CSPP1: variants seen among roughly 807,000 people sequenced by gnomAD.
CSPP1 encodes centrosome and spindle pole associated protein 1.
CSPP1 carries 126 observed loss-of-function variants against 164.4 expected under a neutral mutation model. The observed-to-expected ratio is 0.77, with a 90% CI of 0.66 to 0.89. CSPP1 has a LOEUF of 0.89. Ranked by LOEUF, CSPP1 falls within the 40% of genes least tolerant of loss-of-function variation. The pLI is 0.00. For synonymous variants in CSPP1, 472 were observed against 476.7 expected, an observed-to-expected ratio of 0.99 and a Z score of 0.13; for missense variants, 1,395 against 1,449.8, an observed-to-expected ratio of 0.96 and a Z score of 0.61.
chr8:67,144,253 T>C (rs1193306479), intron 17 of CSPP1, among the ~76,000 whole-genome samples: 1 of 152,214 alleles, frequency 6.6e-6, no homozygotes, highest in Admixed American at 6.5e-5. Flanking sequence ...CAGCCAATCT[T>C]GCATTCCTGG....
intron 29 of CSPP1, among the ~76,000 whole-genome samples, chr8:67,192,268 T>A (rs1326117907): frequency 3.9e-5 from 6 of 152,068 alleles, no homozygotes; most frequent in Non-Finnish European, 8.8e-5. Flanking sequence ...AGAGTTGGGG[T>A]TTCGCCATGT....
chr8:67,122,226 T>G (rs1278533583), intron 15 of CSPP1, among the ~76,000 whole-genome samples: 1 of 151,872 alleles, frequency 6.6e-6, no homozygotes, highest in Non-Finnish European at 1.5e-5. Context: ...AGTTTCCATT[T>G]CATTGATTTC....
intron 3 of CSPP1, chr8:67,083,548 A>AAAAAAAAAAAATATATATAT (rs1332248754): frequency 2.2e-5 from 2 of 91,502 alleles, no homozygotes; most frequent in African/African-American, 8.9e-5. Context: ...AAAAAAAAAA[A>AAAAAAAAAAAATATATATAT]ATATATATAT....
intron 1 of CSPP1, among the ~76,000 whole-genome samples, chr8:67,073,372 G>A (rs1307061861): frequency 6.6e-6 from 1 of 152,188 alleles, no homozygotes; most frequent in Non-Finnish European, 1.5e-5. Context: ...CACCCTAGAT[G>A]AGGGATGTTC....
Position 67,064,444 on chromosome 8 carries a change from G to A in CSPP1, c.-105G>A. The A allele has an allele frequency of 6.2e-7, 1 of 1,613,934 alleles. No individual in the cohort carries two copies. Among genetic ancestry groups the A allele is most frequent in the South Asian group, 1.1e-5 (1 of 91,076 alleles). On this transcript the variant is annotated 5_prime_UTR_variant, in exon 1 of 31. Transcript: ENST00000678616. The stretch of plus-strand genomic sequence containing the variant: ...GGCCGCTGTAACCTCTTCGGTCCGC[G>A]ACGATCCTCTAGAGCACTGTGTGTC...
intron 22 of CSPP1, 52 bp from the exon 23 acceptor site, chr8:67,163,680 T>C: frequency 7.4e-7 from 1 of 1,351,472 alleles, no homozygotes. Context: ...CCCTTCAAGC[T>C]TCTGTGTAGG....
At chr8:67,115,156 C>T (rs1817675686) in intron 12 of CSPP1, 1 of 152,244 alleles carries the variant, frequency 6.6e-6, no homozygotes, top group Admixed American at 6.5e-5. Flanking sequence ...TATTTACTGT[C>T]TAGCCCTTTA....
intron 17 of CSPP1, among the ~76,000 whole-genome samples, chr8:67,146,383 G>T (rs1824564967): frequency 6.6e-6 from 1 of 151,716 alleles, no homozygotes; most frequent in Non-Finnish European, 1.5e-5. Context: ...TCAGCCTCCC[G>T]AAGTGTTGAG....
intron 23 of CSPP1, among the ~76,000 whole-genome samples, 191 bp from the exon 24 acceptor site, chr8:67,164,200 T>C (rs1828891864): frequency 6.6e-6 from 1 of 152,216 alleles, no homozygotes; most frequent in African/African-American, 2.4e-5. Context: ...TTATAAAAAA[T>C]GTACTTGTGG....
In CSPP1 at chr8:67,195,415, T is replaced by C. The variant is rs1399497527; in HGVS notation, c.3503T>C (p.Ile1168Thr). The C allele has an allele frequency of 2.5e-6, 4 of 1,614,090 alleles. No individual in the cohort carries two copies. The highest frequency in any genetic ancestry group is 3.4e-6 in the Non-Finnish European group (4 of 1,179,994). ...AGTTCACTGGTTGACCCTGATGACA[T>C]CATGAAACACATAGGGGATGACGGA... ...DESSLVDPDDIMKHIGDDGSN... is the reference protein window; with the variant it reads ...DESSLVDPDDTMKHIGDDGSN... The change falls in exon 31 of 31, where the codon ATC becomes ACC. Residue 1168 changes from isoleucine (I) to threonine (T), a missense_variant. Transcript: ENST00000678616.
Position 67,177,717 on chromosome 8 carries a change from G to A in CSPP1, c.3147G>A (p.Glu1049=). 6.2e-7 allele frequency: 1 copy of A among 1,610,906 alleles called. No homozygotes were observed. Among genetic ancestry groups the A allele is most frequent in the Non-Finnish European group, 8.5e-7 (1 of 1,177,444 alleles). ...CCATCCCAAGTGCTAAAGTACGAGA[G>A]CAAAGAATGGTAAGCAACCAGTTAC... The part of the protein sequence containing the change: ...LDAIPSAKVR[E]QRMPRDDTSD... Residue 1049 remains glutamate (E), a synonymous_variant, in exon 27 of 31, where the codon GAG becomes GAA. Coordinates refer to ENST00000678616, the MANE Select transcript of CSPP1 (RefSeq NM_001382391.1).
chr8:67,135,949 C>T (rs1299948201), intron 16 of CSPP1: 1 of 152,088 alleles, frequency 6.6e-6, no homozygotes, highest in African/African-American at 2.4e-5. Context: ...AGTATTCTAT[C>T]AGGGAAAAGA....
intron 17 of CSPP1, among the ~76,000 whole-genome samples, chr8:67,146,834 T>C (rs1586506391): frequency 1.3e-5 from 2 of 152,368 alleles, no homozygotes; most frequent in East Asian, 3.9e-4. Context: ...AATGTTATGA[T>C]GATTTACATT....
chr8:67,153,326 AAAGAGACTCT>A (rs1390150456), intron 18 of CSPP1, among the ~76,000 whole-genome samples: 3 of 152,196 alleles, frequency 2.0e-5, no homozygotes, highest in African/African-American at 7.2e-5. Flanking sequence ...ATCTGCATTC[AAAGAGACTCT>A]AAGGGTATAA....
chr8:67,154,805 T>C (rs1826371068), intron 19 of CSPP1, among the ~76,000 whole-genome samples: 1 of 152,188 alleles, frequency 6.6e-6, no homozygotes, highest in Admixed American at 6.5e-5. Flanking sequence ...CCAGCCTAAG[T>C]CATTAATTTT....
intron 1 of CSPP1, among the ~76,000 whole-genome samples, chr8:67,070,319 T>C (rs1343937179): frequency 6.6e-6 from 1 of 151,640 alleles, no homozygotes; most frequent in Non-Finnish European, 1.5e-5. Flanking sequence ...AAAAATTAGC[T>C]GGGCATGGTG....
At chr8:67,090,994 C>T (rs1194688382) in intron 4 of CSPP1, among the ~76,000 whole-genome samples, 2 of 152,036 alleles carry the variant, frequency 1.3e-5, no homozygotes, top group Non-Finnish European at 2.9e-5. Flanking sequence ...AGTTGGAGAT[C>T]ATATGTATTT....
At chr8:67,170,384 A>T (rs756789732) in intron 24 of CSPP1, among the ~76,000 whole-genome samples, 1 of 151,980 alleles carries the variant, frequency 6.6e-6, no homozygotes, top group Non-Finnish European at 1.5e-5. Flanking sequence ...TTGAACTGGG[A>T]AGTGGAGGTT....
chr8:67,150,408 G>T (rs1480024557), intron 18 of CSPP1, among the ~76,000 whole-genome samples: 6 of 145,794 alleles, frequency 4.1e-5, no homozygotes, highest in African/African-American at 1.2e-4. Flanking sequence ...AAGCAATGTT[G>T]TTTTTTTTTT....
Sources: gnomAD v4.1 joint callset for allele counts (sites outside exome capture counted in the v4.1 genomes callset) on GRCh38, gnomAD v4.1.1 for gene constraint, MANE v1.5 for transcripts, NCBI Gene and HGNC (gene_info 2026-07-23, HGNC 2026-07-21) for gene names.